FAM161A: variants seen among roughly 807,000 people sequenced by gnomAD.
The protein encoded by FAM161A is FAM161 centrosomal protein A.
Under a neutral mutation model 70.9 loss-of-function variants are expected in FAM161A, and 57 were observed. The ratio of observed to expected loss-of-function variants is 0.80; its 90% CI spans 0.65 to 1.00. FAM161A has a LOEUF of 1.00. Among genes scored for constraint, FAM161A ranks in the 50% least tolerant of loss-of-function variants. The probability of loss-of-function intolerance (pLI) is 0.00; values close to 1 mark genes in which losing one functional copy is unlikely to be tolerated. For synonymous variants in FAM161A, 299 were observed against 295.7 expected, an observed-to-expected ratio of 1.01 and a Z score of -0.12; for missense variants, 880 against 836.0, an observed-to-expected ratio of 1.05 and a Z score of -0.65.
intron 1 of FAM161A, among the ~76,000 whole-genome samples, chr2:61,843,598 A>C (rs1363870981): frequency 6.6e-6 from 1 of 152,226 alleles, no homozygotes; most frequent in East Asian, 1.9e-4. Context: ...GAACAGATGC[A>C]AAATGAAAAA....
At chr2:61,849,126 T>A (rs1175503541) in intron 1 of FAM161A, among the ~76,000 whole-genome samples, 2 of 116,216 alleles carry the variant, frequency 1.7e-5, no homozygotes, top group Admixed American at 1.1e-4. Flanking sequence ...ATTTAAATAT[T>A]TATATACTTA....
intron 3 of FAM161A, among the ~76,000 whole-genome samples, chr2:61,839,048 A>G (rs1329953904): frequency 6.6e-6 from 1 of 151,446 alleles, no homozygotes; most frequent in Non-Finnish European, 1.5e-5. Context: ...ACGCCCAGCT[A>G]ATTTTTTGTA....
intron 5 of FAM161A, among the ~76,000 whole-genome samples, chr2:61,829,574 T>C (rs1384442662): frequency 1.3e-5 from 2 of 151,972 alleles, no homozygotes; most frequent in Admixed American, 1.3e-4. Context: ...AAATGAGAAA[T>C]AAGAACTATA....
intron 2 of FAM161A, among the ~76,000 whole-genome samples, chr2:61,841,495 C>T (rs1217716465): frequency 6.6e-6 from 1 of 152,182 alleles, no homozygotes; most frequent in African/African-American, 2.4e-5. Flanking sequence ...GAAAGCTTGG[C>T]ATGACCAACT....
intron 5 of FAM161A, among the ~76,000 whole-genome samples, chr2:61,833,890 G>A (rs1263774235): frequency 1.3e-5 from 2 of 152,284 alleles, no homozygotes; most frequent in South Asian, 2.1e-4. Flanking sequence ...AGCTGGGCAT[G>A]ATGGTGTGGG....
the FAM161A span, among the ~76,000 whole-genome samples, chr2:61,804,784 A>AAGAAAG: frequency 6.7e-6 from 1 of 149,286 alleles, no homozygotes; most frequent in Non-Finnish European, 1.5e-5. Flanking sequence ...GAAAGAAAGA[A>AAGAAAG]AGAAAGAAAG....
At chr2:61,832,242 C>CAAAA (rs752145480) in intron 5 of FAM161A, among the ~76,000 whole-genome samples, 1 of 137,306 alleles carries the variant, frequency 7.3e-6, no homozygotes, top group Non-Finnish European at 1.5e-5. Flanking sequence ...GACCCTGTCA[C>CAAAA]ACACACACAA....
the FAM161A span, among the ~76,000 whole-genome samples, chr2:61,817,948 A>G: frequency 6.6e-6 from 1 of 152,280 alleles, no homozygotes; most frequent in South Asian, 2.1e-4. Flanking sequence ...ACAAAGCAAG[A>G]CCCTGTCTGG....
Position 61,839,943 on chromosome 2 carries a change from C to G in FAM161A, c.1061G>C (p.Arg354Pro). ...DFLKYKKKTNRFKARPIPRST... is the reference protein window; with the variant it reads ...DFLKYKKKTNPFKARPIPRST... ...TCGAGGAATGGGTCTGGCTTTAAAT[C>G]GATTTGTTTTCTTTTTATACTTAAG... The change falls in exon 3 of 7, where the codon CGA becomes CCA. Residue 354 changes from arginine to proline, a missense_variant. By Grantham distance (103) the Arg-to-Pro change is moderately radical. Coordinates refer to ENST00000404929, the MANE Select transcript of FAM161A (RefSeq NM_001201543.2). 6.2e-7 allele frequency: 1 copy of G among 1,614,142 alleles called. No homozygotes were observed.
the FAM161A span, among the ~76,000 whole-genome samples, chr2:61,809,164 C>T: frequency 2.6e-5 from 4 of 152,222 alleles, no homozygotes; most frequent in East Asian, 1.9e-4. Flanking sequence ...TGAGCCACCG[C>T]GCCCCGCCTA....
chr2:61,830,758 C>T (rs979560843), intron 5 of FAM161A, among the ~76,000 whole-genome samples: 7 of 151,530 alleles, frequency 4.6e-5, no homozygotes, highest in East Asian at 1.9e-4. Flanking sequence ...TCCTCCCCCC[C>T]TCAGTTTCCC....
downstream of FAM161A, among the ~76,000 whole-genome samples, chr2:61,823,942 G>A (rs1031255837): frequency 6.6e-6 from 1 of 152,028 alleles, no homozygotes; most frequent in African/African-American, 2.4e-5. Flanking sequence ...CTGAAAACAT[G>A]TTTGATTTAA....
rs77730469 is a variant in FAM161A, at chr2:61,847,128, C to G, written c.184-4768G>C. The G allele has an allele frequency of 2.3e-3, 659 of 287,836 alleles. 1 individual carries two copies. The highest frequency in any genetic ancestry group is 0.014 in the African/African-American group (622 of 43,998). The allele number at this position is 287,836 out of a possible 1,614,324, so 17.8% of individuals were successfully genotyped here. On this transcript the variant is annotated intron_variant, in intron 1 of 6. Coordinates refer to ENST00000404929, the MANE Select transcript of FAM161A (RefSeq NM_001201543.2). Reference sequence around the variant, plus strand: ...AGTGAACCAAGATCGCACCACTGCACTCTAGCCTGGGTGACAGAGTGAGGC... The same window carrying G: ...AGTGAACCAAGATCGCACCACTGCAGTCTAGCCTGGGTGACAGAGTGAGGC...
intron 5 of FAM161A, 81 bp from the exon 6 acceptor site, chr2:61,827,339 G>A (rs551271391): frequency 3.4e-4 from 487 of 1,416,534 alleles, no homozygotes; most frequent in Non-Finnish European, 4.5e-4. Context: ...GGCCAGGCGC[G>A]GTGGCTCACG....
chr2:61,816,991 G>A, the FAM161A span, among the ~76,000 whole-genome samples: 1 of 152,150 alleles, frequency 6.6e-6, no homozygotes. Context: ...ATTTGCTGCA[G>A]AAAGAAACTG....
Position 61,838,543 on chromosome 2 carries a change from A to G in FAM161A, c.1746T>C (p.Cys582=), listed in dbSNP as rs766841876. 171 of 1,602,432 alleles carry G rather than the reference A, an allele frequency of 1.1e-4. No individual in the cohort carries two copies. Among genetic ancestry groups the G allele is most frequent in the Non-Finnish European group, 1.4e-4 (160 of 1,173,688 alleles). ...LAQISKSRVK[C]LRKSEKERMR... ...TCAAGATTTTTTCATGATACCTGAG[A>G]CATTTTACTCTGGATTTAGATATTT... The change falls in exon 4 of 7, where the codon TGT becomes TGC. Residue 582 remains cysteine (C), a synonymous_variant. Coordinates refer to ENST00000404929, the MANE Select transcript of FAM161A (RefSeq NM_001201543.2).
At chr2:61,848,722 G>T (rs1364080792) in intron 1 of FAM161A, among the ~76,000 whole-genome samples, 2 of 143,180 alleles carry the variant, frequency 1.4e-5, no homozygotes, top group African/African-American at 5.2e-5. Context: ...GAATGAGAGA[G>T]ATCTACATGT....
chr2:61,821,198 G>C (rs933691937), downstream of FAM161A, among the ~76,000 whole-genome samples: 1 of 151,936 alleles, frequency 6.6e-6, no homozygotes, highest in Non-Finnish European at 1.5e-5. Flanking sequence ...GACTACAGGC[G>C]CCTGCCACCA....
intron 1 of FAM161A, among the ~76,000 whole-genome samples, chr2:61,843,885 T>C (rs1317757536): frequency 1.3e-5 from 2 of 152,188 alleles, no homozygotes; most frequent in African/African-American, 4.8e-5. Context: ...GGCTCACGCC[T>C]ATAATCCCAG....
Sources: gnomAD v4.1 joint callset for allele counts (sites outside exome capture counted in the v4.1 genomes callset) on GRCh38, gnomAD v4.1.1 for gene constraint, MANE v1.5 for transcripts, NCBI Gene and HGNC (gene_info 2026-07-23, HGNC 2026-07-21) for gene names.